EIF3H: variants seen among roughly 807,000 people sequenced by gnomAD.
EIF3H encodes the protein eIF-3-gamma.
Under a neutral mutation model 44.2 loss-of-function variants are expected in EIF3H, and 26 were observed. The observed-to-expected ratio is 0.59, with a 90% CI of 0.43 to 0.82. The LOEUF (loss-of-function observed/expected upper bound fraction) is 0.82, where lower values mean the gene tolerates loss of function less well. Ranked by LOEUF, EIF3H falls within the 40% of genes least tolerant of loss-of-function variation. The probability of loss-of-function intolerance (pLI) is 0.00; values close to 1 mark genes in which losing one functional copy is unlikely to be tolerated. For synonymous variants in EIF3H, 166 were observed against 151.9 expected (o/e 1.09, Z -0.68); for missense variants, 359 against 432.8 (o/e 0.83, Z 1.51).
intron 2 of EIF3H, among the ~76,000 whole-genome samples, chr8:116,684,971 G>T (rs539406551): frequency 1.3e-5 from 2 of 152,158 alleles, no homozygotes; most frequent in South Asian, 2.1e-4. Context: ...CTATTTATTC[G>T]TAAGGGATAC....
chr8:116,746,548 G>T (rs913338247), intron 1 of EIF3H, among the ~76,000 whole-genome samples: 4 of 152,194 alleles, frequency 2.6e-5, no homozygotes, highest in Non-Finnish European at 5.9e-5. Context: ...AGGATGGCTA[G>T]ATGTGATCTG....
At chr8:116,685,694 C>T (rs1480044016) in intron 2 of EIF3H, among the ~76,000 whole-genome samples, 1 of 152,174 alleles carries the variant, frequency 6.6e-6, no homozygotes, top group Non-Finnish European at 1.5e-5. Flanking sequence ...GCATTATTAA[C>T]TCAAAAGGCA....
chr8:116,699,413 A>T (rs1428884399), intron 2 of EIF3H, among the ~76,000 whole-genome samples: 1 of 152,244 alleles, frequency 6.6e-6, no homozygotes, highest in African/African-American at 2.4e-5. Flanking sequence ...ATGAACACTG[A>T]TGCATGCCAT....
chr8:116,692,179 A>G (rs1406078792), intron 2 of EIF3H, among the ~76,000 whole-genome samples: 1 of 152,210 alleles, frequency 6.6e-6, no homozygotes, highest in African/African-American at 2.4e-5. Context: ...GGGTAAGCAT[A>G]GACAGATACA....
At chr8:116,759,436 A>G (rs1815492412), upstream of EIF3H, among the ~76,000 whole-genome samples, 1 of 152,220 alleles carries the variant, frequency 6.6e-6, no homozygotes, top group African/African-American at 2.4e-5. Flanking sequence ...ACCCACTAGA[A>G]AAACACTGCC....
At chr8:116,740,766 G>A (rs2130959003) in intron 1 of EIF3H, among the ~76,000 whole-genome samples, 1 of 152,200 alleles carries the variant, frequency 6.6e-6, no homozygotes, top group African/African-American at 2.4e-5. Flanking sequence ...CCCCAACCCT[G>A]TAGTCTACAC....
chr8:116,698,613 T>C (rs569781269), intron 2 of EIF3H, among the ~76,000 whole-genome samples: 2 of 152,204 alleles, frequency 1.3e-5, no homozygotes, highest in Non-Finnish European at 2.9e-5. Context: ...TTGTCTCTGT[T>C]TTACAGATGA....
chr8:116,661,528 AGAGATCT>A (rs1439086735), intron 2 of EIF3H, among the ~76,000 whole-genome samples: 1 of 152,220 alleles, frequency 6.6e-6, no homozygotes, highest in Admixed American at 6.5e-5. Context: ...CCATCTCCAA[AGAGATCT>A]GAGAACCCAA....
At chr8:116,712,469 T>C (rs1814590571) in intron 2 of EIF3H, among the ~76,000 whole-genome samples, 1 of 152,186 alleles carries the variant, frequency 6.6e-6, no homozygotes, top group Non-Finnish European at 1.5e-5. Flanking sequence ...TGGGGTTTCA[T>C]TATAAACCTA....
chr8:116,749,261 A>G (rs1224419095), intron 1 of EIF3H, among the ~76,000 whole-genome samples: 1 of 152,210 alleles, frequency 6.6e-6, no homozygotes, highest in East Asian at 1.9e-4. Flanking sequence ...AATCACTAAC[A>G]GTATGGATCA....
intron 1 of EIF3H, 64 bp downstream of exon 1, chr8:116,755,602 C>T (rs751909989): frequency 8.2e-5 from 131 of 1,604,054 alleles, no homozygotes; most frequent in Non-Finnish European, 1.1e-4. Flanking sequence ...GAAAGTACGT[C>T]TGGTGGGACG....
intron 1 of EIF3H, among the ~76,000 whole-genome samples, chr8:116,743,687 G>T (rs911291135): frequency 1.3e-5 from 2 of 150,856 alleles, no homozygotes. Flanking sequence ...GAGCCCCAGA[G>T]GTGGAGGCTG....
chr8:116,659,039 C>A (rs200794006), intron 2 of EIF3H, 59 bp from the exon 3 acceptor site: 4 of 1,436,556 alleles, frequency 2.8e-6, no homozygotes, highest in East Asian at 5.0e-5. Context: ...TTACCAACAT[C>A]AAAAACAAGC....
chr8:116,648,664 A>G (rs970607197), intron 6 of EIF3H, 142 bp downstream of exon 6: 106 of 1,056,224 alleles, frequency 1.0e-4, no homozygotes, highest in Middle Eastern at 3.5e-4. Flanking sequence ...ATGCCATAAA[A>G]ATAATAATCT....
intron 2 of EIF3H, among the ~76,000 whole-genome samples, chr8:116,661,911 C>A (rs1302326846): frequency 6.6e-6 from 1 of 152,190 alleles, no homozygotes; most frequent in Non-Finnish European, 1.5e-5. Context: ...TGTGGAGATA[C>A]CACTCCTCCA....
chr8:116,658,105 A>C (rs982932360), intron 3 of EIF3H: 1 of 152,260 alleles, frequency 6.6e-6, no homozygotes, highest in Non-Finnish European at 1.5e-5. Context: ...ATACTTTAAC[A>C]ACTTGTTCTT....
At chr8:116,720,043 T>A (rs913979153) in intron 2 of EIF3H, among the ~76,000 whole-genome samples, 2 of 152,128 alleles carry the variant, frequency 1.3e-5, no homozygotes, top group Non-Finnish European at 2.9e-5. Flanking sequence ...GTTATTTATG[T>A]CACTAAACAT....
At chr8:116,751,572 T>A (rs1015600310) in intron 1 of EIF3H, among the ~76,000 whole-genome samples, 2 of 152,176 alleles carry the variant, frequency 1.3e-5, no homozygotes, top group African/African-American at 2.4e-5. Context: ...TTTGTACATG[T>A]TAAATATGAG....
Position 116,721,698 on chromosome 8 carries a change from T to G in EIF3H, c.289+4318A>C, listed in dbSNP as rs147787535. 1.4e-3 allele frequency among the ~76,000 whole-genome samples: 214 copies of G among 152,334 alleles called. 1 individual carries two copies. Among genetic ancestry groups the G allele is most frequent in the Middle Eastern group, 6.8e-3 (2 of 294 alleles). On this transcript the variant is annotated intron_variant, in intron 2 of 7. Transcript: ENST00000521861. ...ACTTCTTGCATTAGCTTGACCTGAATGTGAGACATGGAGTCAAAGGAGATC... is the reference window on the plus strand; with the variant it reads ...ACTTCTTGCATTAGCTTGACCTGAAGGTGAGACATGGAGTCAAAGGAGATC...
Sources: gnomAD v4.1 joint callset for allele counts (sites outside exome capture counted in the v4.1 genomes callset) on GRCh38, gnomAD v4.1.1 for gene constraint, MANE v1.5 for transcripts, NCBI Gene and HGNC (gene_info 2026-07-23, HGNC 2026-07-21) for gene names.